The following TSHZ2 variants were observed in gnomAD, a reference collection of about 807,000 sequenced individuals.
TSHZ2 encodes teashirt homolog 2.
TSHZ2 carries 21 observed loss-of-function variants against 74.4 expected under a neutral mutation model. The ratio of observed to expected loss-of-function variants is 0.28; its 90% CI spans 0.20 to 0.41. TSHZ2 has a LOEUF of 0.41. Among genes scored for constraint, TSHZ2 ranks in the 10% least tolerant of loss-of-function variants. The probability of loss-of-function intolerance (pLI) is 1.00; values close to 1 mark genes in which losing one functional copy is unlikely to be tolerated. For missense variants in TSHZ2, 1,244 were observed against 1,293.5 expected, an observed-to-expected ratio of 0.96 and a Z score of 0.59; for synonymous variants, 540 against 515.3, an observed-to-expected ratio of 1.05 and a Z score of -0.65.
intron 1 of TSHZ2, among the ~76,000 whole-genome samples, chr20:53,075,936 C>T (rs1253453076): frequency 6.6e-6 from 1 of 152,144 alleles, no homozygotes; most frequent in African/African-American, 2.4e-5. Context: ...GAGACTGAAA[C>T]ACTGATTCCT....
At chr20:53,194,884 T>C (rs1988824006) in intron 1 of TSHZ2, among the ~76,000 whole-genome samples, 1 of 152,252 alleles carries the variant, frequency 6.6e-6, no homozygotes, top group Admixed American at 6.5e-5. Flanking sequence ...AGGCTAGTTC[T>C]GATTGTGACC....
chr20:53,486,832 C>A (rs1986300581), intron 2 of TSHZ2, among the ~76,000 whole-genome samples: 1 of 152,108 alleles, frequency 6.6e-6, no homozygotes, highest in Admixed American at 6.5e-5. Flanking sequence ...GTTTTTCAAA[C>A]CATTTCCTCC....
intron 2 of TSHZ2, among the ~76,000 whole-genome samples, chr20:53,266,450 C>T (rs1285769917): frequency 6.6e-6 from 1 of 152,176 alleles, no homozygotes; most frequent in Non-Finnish European, 1.5e-5. Flanking sequence ...TTCACCCCTC[C>T]ACTTACAGGA....
Position 52,981,503 on chromosome 20 carries a change from A to G in TSHZ2, c.40+8170A>G, listed in dbSNP as rs556767008. On this transcript the variant is annotated intron_variant, in intron 1 of 2. Coordinates refer to ENST00000371497, the MANE Select transcript of TSHZ2 (RefSeq NM_173485.6). ...AGGCACCACAGGGATACGAGGGAAT[A>G]GTGTGTCTTTACCCTGAATAACCAG... 1.9e-3 allele frequency among the ~76,000 whole-genome samples: 295 copies of G among 152,318 alleles called. 1 individual carries two copies. Among genetic ancestry groups the G allele is most frequent in the African/African-American group, 6.7e-3 (277 of 41,570 alleles).
At chr20:53,176,834 G>C (rs898218780) in intron 1 of TSHZ2, among the ~76,000 whole-genome samples, 13 of 151,658 alleles carry the variant, frequency 8.6e-5, no homozygotes, top group African/African-American at 3.1e-4. Context: ...CTACAAGCAT[G>C]CGTCACCACG....
chr20:53,069,653 A>G (rs190593044), intron 1 of TSHZ2, among the ~76,000 whole-genome samples: 143 of 142,344 alleles, frequency 1.0e-3, no homozygotes, highest in African/African-American at 3.5e-3. Context: ...CAAAAGGTCA[A>G]TGCTTTGATA....
At chr20:53,268,066 G>C (rs1192910104) in intron 2 of TSHZ2, among the ~76,000 whole-genome samples, 2 of 152,266 alleles carry the variant, frequency 1.3e-5, no homozygotes, top group East Asian at 3.9e-4. Flanking sequence ...AGTTGGCTTG[G>C]CCACTTGGGG....
At chr20:52,994,235 A>G (rs1288168248) in intron 1 of TSHZ2, among the ~76,000 whole-genome samples, 1 of 152,216 alleles carries the variant, frequency 6.6e-6, no homozygotes, top group Admixed American at 6.5e-5. Context: ...GAGTGCCCAG[A>G]ATAACGTCCG....
At chr20:53,058,980 T>A (rs867300218) in intron 1 of TSHZ2, among the ~76,000 whole-genome samples, 1 of 152,226 alleles carries the variant, frequency 6.6e-6, no homozygotes, top group Non-Finnish European at 1.5e-5. Flanking sequence ...TGACAGAAGA[T>A]GACGATAAAC....
At chr20:53,231,400 T>C (rs1431145645) in intron 1 of TSHZ2, among the ~76,000 whole-genome samples, 1 of 152,232 alleles carries the variant, frequency 6.6e-6, no homozygotes, top group Non-Finnish European at 1.5e-5. Context: ...ATTGAAGAGC[T>C]GTTTCTCTTA....
chr20:53,141,782 A>G (rs1317758486), intron 1 of TSHZ2, among the ~76,000 whole-genome samples: 1 of 152,238 alleles, frequency 6.6e-6, no homozygotes, highest in Non-Finnish European at 1.5e-5. Flanking sequence ...TTCATTTAGC[A>G]TATCAGCTTG....
At chr20:53,163,447 T>TTTTAC (rs1477738344) in intron 1 of TSHZ2, among the ~76,000 whole-genome samples, 14 of 146,566 alleles carry the variant, frequency 9.6e-5, no homozygotes, top group African/African-American at 3.7e-4. Flanking sequence ...TTTTATTTTA[T>TTTTAC]TTTATTTTAT....
intron 1 of TSHZ2, among the ~76,000 whole-genome samples, chr20:53,107,617 T>C (rs1018631578): frequency 6.6e-6 from 1 of 152,206 alleles, no homozygotes. Flanking sequence ...GTCTGAAATA[T>C]GAGCAGCCTG....
In TSHZ2 at chr20:53,489,725, C is replaced by CAGACAGGTAAGACAT. The variant is rs1568940045; in HGVS notation, c.*2590_*2591insAGACAGGTAAGACAT. Reference sequence around the variant, plus strand: ...AAATTTGGTAAGACAGGTGAATTGCCGCCTGGCAACCGTGCATGTCACTGC... The same window carrying CAGACAGGTAAGACAT: ...AAATTTGGTAAGACAGGTGAATTGCCAGACAGGTAAGACATGCCTGGCAACCGTGCATGTCACTGC... On this transcript the variant is annotated 3_prime_UTR_variant, in exon 3 of 3. Coordinates refer to ENST00000371497, the MANE Select transcript of TSHZ2 (RefSeq NM_173485.6). The CAGACAGGTAAGACAT allele has an allele frequency of 6.4e-6, 1 of 156,356 alleles. No homozygotes were observed. The highest frequency in any genetic ancestry group is 1.4e-5 in the Non-Finnish European group (1 of 70,696). 9.7% of individuals were successfully genotyped at this position (156,356 alleles called of 1,614,324 possible).
chr20:52,977,421 T>TACACACACACACAC (rs36230826), intron 1 of TSHZ2, among the ~76,000 whole-genome samples: 1 of 141,382 alleles, frequency 7.1e-6, no homozygotes, highest in Non-Finnish European at 1.5e-5. Context: ...AATGGAAAAA[T>TACACACACACACAC]ACACACACAC....
chr20:53,102,520 A>G (rs1986246426), intron 1 of TSHZ2, among the ~76,000 whole-genome samples: 1 of 151,862 alleles, frequency 6.6e-6, no homozygotes, highest in Admixed American at 6.6e-5. Flanking sequence ...GGAGGGGAGG[A>G]AAAAGGAATA....
At chr20:53,062,240 G>C (rs1277624767) in intron 1 of TSHZ2, among the ~76,000 whole-genome samples, 1 of 152,214 alleles carries the variant, frequency 6.6e-6, no homozygotes, top group East Asian at 1.9e-4. Context: ...GCTATTATGA[G>C]GATAAAATAA....
At chr20:53,460,122 A>G (rs1055851943) in intron 2 of TSHZ2, among the ~76,000 whole-genome samples, 19 of 152,062 alleles carry the variant, frequency 1.2e-4, no homozygotes, top group African/African-American at 4.3e-4. Context: ...AGATTGGGGA[A>G]GTTCTCCTGG....
intron 1 of TSHZ2, among the ~76,000 whole-genome samples, chr20:52,991,652 G>C (rs114030033): frequency 3.0e-4 from 44 of 148,456 alleles, no homozygotes; most frequent in African/African-American, 1.0e-3. Flanking sequence ...TGTGGGGGGA[G>C]AGAATGTGAA....
Sources: gnomAD v4.1 joint callset for allele counts (sites outside exome capture counted in the v4.1 genomes callset) on GRCh38, gnomAD v4.1.1 for gene constraint, MANE v1.5 for transcripts, NCBI Gene and HGNC (gene_info 2026-07-23, HGNC 2026-07-21) for gene names.